Variants in CLVS1 observed in about 807,000 individuals in gnomAD.
CLVS1 encodes clavesin 1.
Under a neutral mutation model 33.1 loss-of-function variants are expected in CLVS1, and 10 were observed. The observed-to-expected ratio is 0.30, with a 90% CI of 0.19 to 0.51. CLVS1 has a LOEUF of 0.51. Ranked by LOEUF, CLVS1 falls within the 20% of genes least tolerant of loss-of-function variation. The pLI, the probability that CLVS1 is intolerant of heterozygous loss-of-function variation, is 0.97. For synonymous variants in CLVS1, 163 were observed against 166.1 expected (o/e 0.98, Z 0.14); for missense variants, 343 against 433.4 (o/e 0.79, Z 1.85).
chr8:61,409,214 A>G (rs1181661381), intron 3 of CLVS1, among the ~76,000 whole-genome samples: 2 of 152,238 alleles, frequency 1.3e-5, no homozygotes, highest in Non-Finnish European at 2.9e-5. Flanking sequence ...TCAAAATGAT[A>G]TAAAGAGGTA....
chr8:61,179,993 G>A (rs1279199043), intron 2 of CLVS1, among the ~76,000 whole-genome samples: 2 of 152,010 alleles, frequency 1.3e-5, no homozygotes, highest in Non-Finnish European at 2.9e-5. Context: ...TAAGATCAAA[G>A]CAGTCCTGAA....
intron 5 of CLVS1, among the ~76,000 whole-genome samples, chr8:61,477,139 G>A (rs1463437766): frequency 6.6e-6 from 1 of 152,186 alleles, no homozygotes; most frequent in African/African-American, 2.4e-5. Flanking sequence ...GCATCCCACG[G>A]ATGAAGCACA....
In CLVS1 at chr8:61,299,982, A is replaced by T; in HGVS notation, c.155A>T (p.Asp52Val). 7 of 1,614,040 alleles carry T rather than the reference A, an allele frequency of 4.3e-6. No homozygotes were observed. Among genetic ancestry groups the T allele is most frequent in the Non-Finnish European group, 5.9e-6 (7 of 1,179,964 alleles). Residue 52 changes from aspartate (D) to valine (V), a missense_variant, in exon 2 of 6, where the codon GAT becomes GTT. By Grantham distance (152) the Asp-to-Val change is radical. Coordinates refer to ENST00000325897, the MANE Select transcript of CLVS1 (RefSeq NM_173519.3). ...GAAAACCCCGATGTTTTACATCAGGATATTCAGCAAGTCAGGGACATGATC... is the reference window on the plus strand; with the variant it reads ...GAAAACCCCGATGTTTTACATCAGGTTATTCAGCAAGTCAGGGACATGATC... ...LNENPDVLHQDIQQVRDMIIT... is the reference protein window; with the variant it reads ...LNENPDVLHQVIQQVRDMIIT...
intron 5 of CLVS1, among the ~76,000 whole-genome samples, chr8:61,477,258 CT>C (rs965708367): frequency 2.0e-5 from 3 of 151,364 alleles, no homozygotes; most frequent in African/African-American, 7.3e-5. Context: ...CTAAAATTCT[CT>C]TTTTTTTTGT....
intron 2 of CLVS1, among the ~76,000 whole-genome samples, chr8:61,218,230 A>G (rs1486958665): frequency 6.6e-6 from 1 of 152,192 alleles, no homozygotes; most frequent in African/African-American, 2.4e-5. Context: ...ATTCAAAAAT[A>G]GTCACAATAT....
chr8:61,316,323 G>C (rs1479306353), intron 2 of CLVS1, among the ~76,000 whole-genome samples: 1 of 152,188 alleles, frequency 6.6e-6, no homozygotes, highest in Admixed American at 6.5e-5. Flanking sequence ...GCGAATACAT[G>C]AATCTGTTGA....
intron 3 of CLVS1, among the ~76,000 whole-genome samples, chr8:61,398,681 C>G (rs114267085): frequency 0.011 from 1,680 of 152,188 alleles, 31 homozygotes; most frequent in African/African-American, 0.038. Flanking sequence ...ATTAACTATT[C>G]TTCCAGATGC....
chr8:61,136,859 G>C (rs1481929593), intron 2 of CLVS1, among the ~76,000 whole-genome samples: 1 of 152,162 alleles, frequency 6.6e-6, no homozygotes, highest in East Asian at 1.9e-4. Context: ...AGAAAACAAA[G>C]GGCAGTGATT....
intron 2 of CLVS1, among the ~76,000 whole-genome samples, chr8:61,242,748 A>T (rs1808721281): frequency 6.6e-6 from 1 of 152,004 alleles, no homozygotes; most frequent in African/African-American, 2.4e-5. Context: ...AGCTGTGATT[A>T]TGTCTTTGAA....
intron 3 of CLVS1, among the ~76,000 whole-genome samples, chr8:61,399,181 GT>G (rs1273010913): frequency 6.6e-6 from 1 of 152,170 alleles, no homozygotes; most frequent in East Asian, 1.9e-4. Context: ...GTGTAAAAGT[GT>G]TCCTTTTTCT....
chr8:61,149,666 G>C (rs1305155093), intron 2 of CLVS1, among the ~76,000 whole-genome samples: 1 of 151,968 alleles, frequency 6.6e-6, no homozygotes, highest in Admixed American at 6.6e-5. Context: ...GGATAGAGTT[G>C]TGGGAGACTC....
At chr8:61,185,657 G>A (rs995078454) in intron 2 of CLVS1, among the ~76,000 whole-genome samples, 12 of 152,048 alleles carry the variant, frequency 7.9e-5, no homozygotes, top group South Asian at 2.1e-4. Context: ...TTAGAACAAA[G>A]CATATGTATA....
At chr8:61,003,154 G>T in the CLVS1 span, among the ~76,000 whole-genome samples, 1 of 152,142 alleles carries the variant, frequency 6.6e-6, no homozygotes, top group African/African-American at 2.4e-5. Context: ...TCTCTGGTTG[G>T]GTCCTGCTCC....
intron 1 of CLVS1, among the ~76,000 whole-genome samples, chr8:61,067,087 C>T (rs536215081): frequency 2.0e-5 from 3 of 152,144 alleles, no homozygotes; most frequent in South Asian, 4.2e-4. Flanking sequence ...GACATTAACA[C>T]GTTGATCTGT....
intron 2 of CLVS1, among the ~76,000 whole-genome samples, chr8:61,329,267 A>C (rs1463545135): frequency 6.6e-6 from 1 of 151,196 alleles, no homozygotes; most frequent in Non-Finnish European, 1.5e-5. Flanking sequence ...TCACTGGCCT[A>C]ACTGTATCTT....
intron 5 of CLVS1, among the ~76,000 whole-genome samples, chr8:61,491,589 T>G (rs1348684463): frequency 2.0e-5 from 3 of 152,238 alleles, no homozygotes; most frequent in African/African-American, 7.2e-5. Flanking sequence ...CACTACATGT[T>G]GCAATAGCAA....
intron 2 of CLVS1, among the ~76,000 whole-genome samples, chr8:61,319,546 A>T (rs1811124672): frequency 6.6e-6 from 1 of 152,114 alleles, no homozygotes; most frequent in East Asian, 1.9e-4. Flanking sequence ...CTTCCATCTC[A>T]TCACTATGGA....
At chr8:61,091,260 CAAAG>C (rs1417379044) in intron 1 of CLVS1, among the ~76,000 whole-genome samples, 3 of 152,172 alleles carry the variant, frequency 2.0e-5, no homozygotes, top group Admixed American at 6.5e-5. Flanking sequence ...GCGAAAGAGA[CAAAG>C]AACAGATTTC....
intron 2 of CLVS1, among the ~76,000 whole-genome samples, chr8:61,137,507 C>G (rs1806212241): frequency 6.6e-6 from 1 of 152,156 alleles, no homozygotes; most frequent in Non-Finnish European, 1.5e-5. Context: ...GCACTTGATA[C>G]ATAAAACATA....
Sources: gnomAD v4.1 joint callset for allele counts (sites outside exome capture counted in the v4.1 genomes callset) on GRCh38, gnomAD v4.1.1 for gene constraint, MANE v1.5 for transcripts, NCBI Gene and HGNC (gene_info 2026-07-23, HGNC 2026-07-21) for gene names.